MRPS33: variants seen among roughly 807,000 people sequenced by gnomAD.
The protein encoded by MRPS33 is mitochondrial ribosomal protein S33, also known as small ribosomal subunit protein mS33.
MRPS33 carries 11 observed loss-of-function variants against 11.2 expected under a neutral mutation model. That is an observed-to-expected ratio of 0.99 (90% confidence interval 0.62 to 1.63). The LOEUF (loss-of-function observed/expected upper bound fraction) is 1.63. Among genes scored for constraint, MRPS33 ranks in the 40% most tolerant of loss-of-function variants. The probability of loss-of-function intolerance (pLI) is 0.00; values close to 1 mark genes in which losing one functional copy is unlikely to be tolerated. For missense variants in MRPS33, 109 were observed against 127.8 expected (o/e 0.85, Z 0.71); for synonymous variants, 46 against 44.0 (o/e 1.05, Z -0.18).
chr7:141,012,173 CA>C (rs56343833), intron 1 of MRPS33, among the ~76,000 whole-genome samples: 24 of 58,776 alleles, frequency 4.1e-4, no homozygotes, highest in South Asian at 1.7e-3. Flanking sequence ...GATTGTGTGT[CA>C]AAAAAAAAAA....
chr7:141,014,471 G>T (rs1820752074), intron 1 of MRPS33: 1 of 152,228 alleles, frequency 6.6e-6, no homozygotes, highest in Non-Finnish European at 1.5e-5. Context: ...GACTGTGATG[G>T]AAACTGTAGT....
At chr7:141,006,727 T>C (rs1205852356) in intron 2 of MRPS33, among the ~76,000 whole-genome samples, 192 bp from the exon 3 acceptor site, 2 of 152,146 alleles carry the variant, frequency 1.3e-5, no homozygotes, top group African/African-American at 2.4e-5. Context: ...ATTCCAAAAG[T>C]TCACTTGTAA....
intron 2 of MRPS33, among the ~76,000 whole-genome samples, chr7:141,007,673 G>A (rs11769174): frequency 0.64 from 97,616 of 151,892 alleles, 33,125 homozygotes; most frequent in East Asian, 0.82. Flanking sequence ...GGCCTTTGCT[G>A]TGCTCTTGCC....
At chr7:141,008,801 ATTTT>A (rs10550694) in intron 2 of MRPS33, among the ~76,000 whole-genome samples, 4 of 137,834 alleles carry the variant, frequency 2.9e-5, no homozygotes, top group African/African-American at 2.6e-5. Flanking sequence ...TAAAAAAATA[ATTTT>A]TTTTTTTTTT....
At chr7:141,010,296 C>G in intron 2 of MRPS33, 123 bp downstream of exon 2, 3 of 885,336 alleles carry the variant, frequency 3.4e-6, no homozygotes, top group Non-Finnish European at 5.2e-6. Flanking sequence ...CCAACTGTAC[C>G]TTTTGAACTA....
Position 141,010,668 on chromosome 7 carries a change from A to C in MRPS33, c.-27-8T>G, listed in dbSNP as rs1460050387. On this transcript the variant is annotated splice_region_variant and splice_polypyrimidine_tract_variant and intron_variant, in intron 1 of 2. Coordinates refer to ENST00000324787, the MANE Select transcript of MRPS33 (RefSeq NM_053035.3). ...GGCAAGGAGTTAGAGTTCCTATTGA[A>C]AATGAGAAGAAAGTTAAACAGGTTA... The C allele has an allele frequency of 6.3e-7, 1 of 1,583,474 alleles. No individual in the cohort carries two copies. The highest frequency in any genetic ancestry group is 8.7e-7 in the Non-Finnish European group (1 of 1,152,832).
chr7:141,012,047 G>A (rs1022145827), intron 1 of MRPS33, among the ~76,000 whole-genome samples: 2 of 151,830 alleles, frequency 1.3e-5, no homozygotes, highest in South Asian at 2.1e-4. Context: ...GTGCACACCT[G>A]TAGTTCCAGC....
rs1820479224 is a variant in MRPS33 at position 141,004,622 on chromosome 7, C to T, written c.*1808G>A. ...TTTGAATAATATGTTTGAATATTGA[C>T]ACTATTGTACACTTAAATATGGTTA... On this transcript the variant is annotated 3_prime_UTR_variant, in exon 3 of 3. Transcript: ENST00000324787. 4 of 152,080 alleles carry T rather than the reference C, an allele frequency of 2.6e-5. No individual in the cohort carries two copies. In the South Asian group the frequency reaches 6.2e-4, roughly 24 times the overall value. The allele number at this position is 152,080 out of a possible 1,614,324, so 9.4% of individuals were successfully genotyped here.
rs539318441 is a variant in MRPS33, at chr7:141,009,059, C to T, written c.215+1360G>A. Among the ~76,000 whole-genome samples, 8 of 151,110 alleles carry T rather than the reference C, an allele frequency of 5.3e-5. No homozygotes were observed. In the South Asian group the frequency reaches 1.0e-3, roughly 20 times the overall value. On this transcript the variant is annotated intron_variant, in intron 2 of 2. Transcript: ENST00000324787. The stretch of plus-strand genomic sequence containing the variant: ...GTCTGCCCGCCTTGGCCTCTCAAAG[C>T]GCTGGGATTACAGCTGTGAGCTATC...
chr7:141,006,599 A>G, intron 2 of MRPS33, 64 bp from the exon 3 acceptor site: 1 of 1,276,338 alleles, frequency 7.8e-7, no homozygotes, highest in African/African-American at 1.5e-5. Context: ...ACACTAATCT[A>G]GCACGCACTG....
rs56343833 is a variant in MRPS33 at position 141,012,173 on chromosome 7, CAAAAAA to C, written c.-27-1519_-27-1514del. ...TGAGTGACAGAGCAAGATTGTGTGTCAAAAAAAAAAAAAAAAAAAAAGCAGAGGCTG... is the reference window on the plus strand; with the variant it reads ...TGAGTGACAGAGCAAGATTGTGTGTCAAAAAAAAAAAAAAAGCAGAGGCTG... On this transcript the variant is annotated intron_variant, in intron 1 of 2. Transcript: ENST00000324787. Among the ~76,000 whole-genome samples the C allele has an allele frequency of 1.1e-3, 66 of 58,780 alleles. 4 individuals carry two copies. The Admixed American group carries it at 0.011, about 10-fold the overall frequency. 38.6% of individuals were successfully genotyped at this position (58,780 alleles called of 152,430 possible).
intron 2 of MRPS33, among the ~76,000 whole-genome samples, chr7:141,008,143 A>G (rs1485915374): frequency 6.6e-6 from 1 of 152,166 alleles, no homozygotes; most frequent in Admixed American, 6.5e-5. Flanking sequence ...ATGCCACAGG[A>G]GGCCTAGCAT....
In MRPS33 at chr7:141,006,742, G is replaced by A. The variant is rs151138235; in HGVS notation, c.216-207C>T. ...ATTCCAAAAGTTCACTTGTAAGTCC[G>A]TTTCCCCTCACAGAAACACTGCCAC... On this transcript the variant is annotated intron_variant, in intron 2 of 2. Coordinates refer to ENST00000324787, the MANE Select transcript of MRPS33 (RefSeq NM_053035.3). Among the ~76,000 whole-genome samples, 301 of 152,238 alleles carry A rather than the reference G, an allele frequency of 2.0e-3. 3 individuals carry two copies. Among genetic ancestry groups the A allele is most frequent in the African/African-American group, 6.5e-3 (270 of 41,544 alleles).
At chr7:141,010,166 T>C (rs1421124646) in intron 2 of MRPS33, 5 of 447,866 alleles carry the variant, frequency 1.1e-5, no homozygotes, top group African/African-American at 2.0e-5. Context: ...TACAGCTCAG[T>C]ATCTATTCAA....
intron 1 of MRPS33, among the ~76,000 whole-genome samples, 174 bp from the exon 2 acceptor site, chr7:141,010,834 T>C (rs1382888593): frequency 6.6e-5 from 10 of 152,244 alleles, no homozygotes; most frequent in Admixed American, 4.6e-4. Flanking sequence ...TTCCTTTCCA[T>C]GCTTTACAGC....
intron 1 of MRPS33, among the ~76,000 whole-genome samples, chr7:141,012,062 C>T (rs947087490): frequency 1.3e-5 from 2 of 148,638 alleles, no homozygotes; most frequent in Non-Finnish European, 3.0e-5. Context: ...TCCAGCTACT[C>T]GTGGAGGCTG....
chr7:141,013,013 A>G lies in MRPS33; in HGVS notation c.-28+1898T>C, dbSNP rs564818555. On this transcript the variant is annotated intron_variant, in intron 1 of 2. Coordinates refer to ENST00000324787, the MANE Select transcript of MRPS33 (RefSeq NM_053035.3). ...AGATCTGTAAGTTTGGTTTTCATAT[A>G]TTCTACATAGACACATTTGTTTATT... Among the ~76,000 whole-genome samples the G allele has an allele frequency of 5.9e-5, 9 of 152,118 alleles. No homozygotes were observed. In the East Asian group the frequency reaches 1.7e-3, roughly 29 times the overall value.
In MRPS33 at chr7:141,003,603, T is replaced by C. The variant is rs960266094; in HGVS notation, c.*2827A>G. ...TGAAGCTCTTCCATCGGCAAACCAA[T>C]ACATCGATTCTTTACTTGTTTTCCG... On this transcript the variant is annotated 3_prime_UTR_variant, in exon 3 of 3. Transcript: ENST00000324787. The C allele has an allele frequency of 1.3e-5, 2 of 152,256 alleles. No individual in the cohort carries two copies. The highest frequency in any genetic ancestry group is 4.8e-5 in the African/African-American group (2 of 41,458). The allele number at this position is 152,256 out of a possible 1,614,324, so 9.4% of individuals were successfully genotyped here.
chr7:141,006,619 G>A lies in MRPS33; in HGVS notation c.216-84C>T, dbSNP rs1820537449. 5.4e-6 allele frequency: 6 copies of A among 1,104,770 alleles called. No individual in the cohort carries two copies. The Admixed American group carries it at 9.7e-5, about 18-fold the overall frequency. The allele number at this position is 1,104,770 out of a possible 1,614,324, so 68.4% of individuals were successfully genotyped here. ...AATCTAGCACGCACTGCTCTCTTAG[G>A]TCATTCTGGTTATCGATCTTTGACT... On this transcript the variant is annotated intron_variant, in intron 2 of 2. Transcript: ENST00000324787.
Sources: gnomAD v4.1 joint callset for allele counts (sites outside exome capture counted in the v4.1 genomes callset) on GRCh38, gnomAD v4.1.1 for gene constraint, MANE v1.5 for transcripts, NCBI Gene and HGNC (gene_info 2026-07-23, HGNC 2026-07-21) for gene names.